The following PAK6 variants were observed in gnomAD, a reference collection of about 807,000 sequenced individuals.
The protein encoded by PAK6 is p21 (RAC1) activated kinase 6.
In PAK6, 33 loss-of-function variants were observed where a neutral mutation model predicts 60.8. The observed-to-expected ratio is 0.54, with a 90% CI of 0.41 to 0.73. The LOEUF (loss-of-function observed/expected upper bound fraction) is 0.73, where lower values mean the gene tolerates loss of function less well. Among genes scored for constraint, PAK6 ranks in the 30% least tolerant of loss-of-function variants. The pLI is 0.00. For missense variants in PAK6, 845 were observed against 904.1 expected (o/e 0.93, Z 0.84); for synonymous variants, 404 against 378.5 (o/e 1.07, Z -0.78).
Position 40,248,349 on chromosome 15 carries a change from G to C in PAK6, c.-117-4829G>C, listed in dbSNP as rs539618657. On this transcript the variant is annotated intron_variant, in intron 2 of 10. Transcript: ENST00000560346. ...CAGGTGCTGGACAGCCTGGAGGAGA[G>C]GGGGAGGAAGGGATTTTCTCCCAAG... Among the ~76,000 whole-genome samples, 556 of 152,306 alleles carry C rather than the reference G, an allele frequency of 3.7e-3. 11 individuals are homozygous for C. Among genetic ancestry groups the C allele is most frequent in the Non-Finnish European group, 1.2e-3 (83 of 68,014 alleles).
At chr15:40,240,406 A>C in intron 1 of PAK6, 193 bp from the exon 2 acceptor site, 1 of 339,868 alleles carries the variant, frequency 2.9e-6, no homozygotes, top group South Asian at 2.2e-5. Flanking sequence ...AGGAGGGGGG[A>C]GGTCCCTTCT....
Position 40,258,259 on chromosome 15 carries a change from C to T in PAK6, c.-6+4970C>T, listed in dbSNP as rs539930567. ...GGCCAGCCCTGTCCTACATACCTCA[C>T]GCACATCTTGCCCGTTTCTGTTCAT... On this transcript the variant is annotated intron_variant, in intron 3 of 10. Coordinates refer to ENST00000560346, the Ensembl canonical transcript of PAK6. Among the ~76,000 whole-genome samples the T allele has an allele frequency of 5.3e-5, 8 of 152,338 alleles. No individual in the cohort carries two copies. The East Asian group carries it at 1.2e-3, about 22-fold the overall frequency.
intron 2 of PAK6, among the ~76,000 whole-genome samples, chr15:40,244,095 G>C (rs2038431635): frequency 6.6e-6 from 1 of 152,146 alleles, no homozygotes; most frequent in South Asian, 2.1e-4. Flanking sequence ...ACTTTGGGAG[G>C]CTGAGGTAGG....
Position 40,272,732 on chromosome 15 carries a change from AG to A in PAK6, c.1356+14del, listed in dbSNP as rs2039344021. On this transcript the variant is annotated intron_variant, in intron 6 of 10. Transcript: ENST00000560346. ...CTGCTCTTCAACGAGGTGGGAGGAC[AG>A]GGTGGGACACAGACGGGGGCGTTGG... 1 of 1,581,486 alleles carries A rather than the reference AG, an allele frequency of 6.3e-7. No individual in the cohort carries two copies. The highest frequency in any genetic ancestry group is 1.1e-5 in the South Asian group (1 of 87,814).
chr15:40,261,171 A>G (rs2038975607), intron 3 of PAK6, among the ~76,000 whole-genome samples: 1 of 146,766 alleles, frequency 6.8e-6, no homozygotes, highest in African/African-American at 2.5e-5. Context: ...TACAGGCGTG[A>G]GCCACCGCGC....
At chr15:40,276,261 C>A in exon 11 of PAK6, 1 of 642,402 alleles carries the variant, frequency 1.6e-6, no homozygotes, top group Admixed American at 2.9e-5. Context: ...CCAGGCCGGA[C>A]CTGCCCCCTC....
chr15:40,252,749 G>T (rs2038717517), intron 2 of PAK6: 2 of 1,301,930 alleles, frequency 1.5e-6, no homozygotes, highest in African/African-American at 1.5e-5. Flanking sequence ...CCCAACACGC[G>T]CAGCCCCCTT....
chr15:40,266,212 G>T, exon 5 of PAK6: 1 of 1,609,902 alleles, frequency 6.2e-7, no homozygotes. Context: ...TCGCAGCGCT[G>T]TCTGCAGCTG....
chr15:40,275,280 G>GTTTTCTTT (rs1448905930), intron 10 of PAK6, among the ~76,000 whole-genome samples: 934 of 56,500 alleles, frequency 0.017, 83 homozygotes, highest in African/African-American at 0.046. Context: ...GTTGTTGTTG[G>GTTTTCTTT]TTTTTTTTTT....
At chr15:40,273,744 G>GT in intron 9 of PAK6, 68 bp downstream of exon 9, 1 of 1,577,070 alleles carries the variant, frequency 6.3e-7, no homozygotes, top group Non-Finnish European at 8.6e-7. Context: ...TTCTGCTGTG[G>GT]CCCCTCCAGT....
At chr15:40,265,242 G>C (rs1258568850) in intron 4 of PAK6, among the ~76,000 whole-genome samples, 1 of 152,218 alleles carries the variant, frequency 6.6e-6, no homozygotes, top group Non-Finnish European at 1.5e-5. Flanking sequence ...ATGCTCAATT[G>C]CATTTGTATT....
chr15:40,265,141 T>A, intron 4 of PAK6, 152 bp downstream of exon 4: 1 of 780,212 alleles, frequency 1.3e-6, no homozygotes. Flanking sequence ...AGCCTGCCAT[T>A]CTCTCCCTGG....
At chr15:40,266,683 T>C in intron 5 of PAK6, 188 bp downstream of exon 5, 2 of 513,280 alleles carry the variant, frequency 3.9e-6, no homozygotes, top group South Asian at 3.3e-5. Flanking sequence ...CCTCCCTTCC[T>C]TTCCTTCTTT....
chr15:40,273,291 C>T (rs1001876357), intron 7 of PAK6, 55 bp from the exon 8 acceptor site: 39 of 1,587,376 alleles, frequency 2.5e-5, no homozygotes, highest in East Asian at 4.5e-5. Context: ...AGCCACCCCA[C>T]GACCTGCCAG....
intron 9 of PAK6, 154 bp from the exon 10 acceptor site, chr15:40,273,988 C>A: frequency 2.3e-6 from 2 of 867,878 alleles, no homozygotes; most frequent in Non-Finnish European, 3.7e-6. Flanking sequence ...CAGGCAGTAA[C>A]TGGCCACAGG....
intron 2 of PAK6, chr15:40,252,180 G>T: frequency 1.1e-6 from 1 of 911,108 alleles, no homozygotes; most frequent in Non-Finnish European, 1.4e-6. Flanking sequence ...TCCAGGATGT[G>T]TGGGTGGGCA....
intron 2 of PAK6, among the ~76,000 whole-genome samples, chr15:40,248,886 A>C (rs2038577016): frequency 6.6e-6 from 1 of 152,244 alleles, no homozygotes; most frequent in South Asian, 2.1e-4. Context: ...CAGAGTTGAG[A>C]GAACCAGCTT....
chr15:40,275,514 T>C (rs554679346), intron 10 of PAK6, among the ~76,000 whole-genome samples: 92 of 152,170 alleles, frequency 6.0e-4, no homozygotes, highest in African/African-American at 2.1e-3. Context: ...TACGAACTCC[T>C]GACCTCGTAA....
At chr15:40,273,505 C>T (rs368879012) in intron 8 of PAK6, 33 bp downstream of exon 8, 5 of 1,613,740 alleles carry the variant, frequency 3.1e-6, no homozygotes, top group South Asian at 1.1e-5. Context: ...CACAGCCACG[C>T]TCCCACTTCC....
Sources: gnomAD v4.1 joint callset for allele counts (sites outside exome capture counted in the v4.1 genomes callset) on GRCh38, gnomAD v4.1.1 for gene constraint, MANE v1.5 for transcripts, NCBI Gene and HGNC (gene_info 2026-07-23, HGNC 2026-07-21) for gene names.